ADCY5: variants seen among roughly 807,000 people sequenced by gnomAD.
ADCY5 encodes adenylate cyclase 5, also known as adenylate cyclase type 5.
A neutral mutation model predicts 119.7 loss-of-function variants in ADCY5; 30 were observed. The ratio of observed to expected loss-of-function variants is 0.25; its 90% CI spans 0.19 to 0.34. The LOEUF is 0.34. ADCY5 is among the 10% of genes least tolerant of loss of function. ADCY5 has a pLI of 1.00. For missense variants in ADCY5, 1,324 were observed against 1,775.2 expected (o/e 0.75, Z 4.57); for synonymous variants, 753 against 762.2 (o/e 0.99, Z 0.20).
intron 1 of ADCY5, among the ~76,000 whole-genome samples, chr3:123,365,012 C>T (rs1220970725): frequency 2.6e-5 from 4 of 151,564 alleles, no homozygotes; most frequent in Non-Finnish European, 4.4e-5. Flanking sequence ...CGGCTCACTG[C>T]AAACTCTGCC....
intron 10 of ADCY5, 177 bp from the exon 11 acceptor site, chr3:123,318,294 G>C (rs1941032158): frequency 1.8e-6 from 1 of 565,892 alleles, no homozygotes; most frequent in Non-Finnish European, 3.2e-6. Context: ...AACCAGTCCA[G>C]ATCACCAGAA....
rs1282969203 is a variant in ADCY5 at position 123,424,851 on chromosome 3, G to T, written c.1134+22561C>A. On this transcript the variant is annotated intron_variant, in intron 1 of 20. Coordinates refer to ENST00000462833, the MANE Select transcript of ADCY5 (RefSeq NM_183357.3). ...AATAATAGTTAATAAATAAGTGAAT[G>T]GCAAAAATAGCCTCAAAGGAGCTGA... Among the ~76,000 whole-genome samples, 3 of 152,326 alleles carry T rather than the reference G, an allele frequency of 2.0e-5. No individual in the cohort carries two copies. In the East Asian group the frequency reaches 5.8e-4, roughly 29 times the overall value.
chr3:123,410,349 TTCC>T (rs896981096), intron 1 of ADCY5, among the ~76,000 whole-genome samples: 74 of 141,196 alleles, frequency 5.2e-4, no homozygotes, highest in African/African-American at 2.1e-4. Flanking sequence ...TATCCCCCAA[TTCC>T]TCCTCCTCCT....
At chr3:123,434,728 T>G (rs115617465) in intron 1 of ADCY5, among the ~76,000 whole-genome samples, 2,317 of 152,190 alleles carry the variant, frequency 0.015, 70 homozygotes, top group African/African-American at 0.053. Flanking sequence ...TGTTAAGGTA[T>G]AGTTTCAAAA....
At chr3:123,297,711 G>A (rs984649854) in intron 15 of ADCY5, among the ~76,000 whole-genome samples, 3 of 152,232 alleles carry the variant, frequency 2.0e-5, no homozygotes. Context: ...AGGGCGTGGA[G>A]GAGAGATCCC....
At chr3:123,372,942 C>CA (rs1174683110) in intron 1 of ADCY5, among the ~76,000 whole-genome samples, 1 of 152,170 alleles carries the variant, frequency 6.6e-6, no homozygotes, top group East Asian at 1.9e-4. Flanking sequence ...TGAACCCAGA[C>CA]AAGCTGAACC....
rs755680503 is a variant in ADCY5, at chr3:123,347,824, A to G, written c.1364T>C (p.Met455Thr). The change falls in exon 3 of 21, where the codon ATG (methionine) becomes ACG (threonine). Residue 455 changes from methionine (M) to threonine (T), a missense_variant. Physicochemically the swap from Met to Thr is moderately conservative, Grantham distance 81. Coordinates refer to ENST00000462833, the MANE Select transcript of ADCY5 (RefSeq NM_183357.3). ...KADINAKQEDMMFHKIYIQKH... is the reference protein window; with the variant it reads ...KADINAKQEDTMFHKIYIQKH... ...CTGGATGTAAATCTTATGGAACATC[A>G]TATCCTCCTGCTTGGCGTTGATGTC... 1.2e-6 allele frequency: 2 copies of G among 1,614,022 alleles called. No individual in the cohort carries two copies. The highest frequency in any genetic ancestry group is 1.7e-6 in the Non-Finnish European group (2 of 1,179,974).
At chr3:123,308,028 C>CTTTTTTTTTTT (rs1178147327) in intron 12 of ADCY5, among the ~76,000 whole-genome samples, 3 of 85,658 alleles carry the variant, frequency 3.5e-5, no homozygotes, top group Non-Finnish European at 6.3e-5. Flanking sequence ...TTTTCATGCT[C>CTTTTTTTTTTT]TTTTTTTTTT....
At chr3:123,314,619 T>C (rs1030817707) in intron 11 of ADCY5, among the ~76,000 whole-genome samples, 1 of 152,236 alleles carries the variant, frequency 6.6e-6, no homozygotes, top group Non-Finnish European at 1.5e-5. Flanking sequence ...CACAGGAAGC[T>C]GAATGGAGAA....
chr3:123,295,965 G>T, intron 17 of ADCY5, 119 bp downstream of exon 17: 1 of 1,439,108 alleles, frequency 6.9e-7, no homozygotes, highest in South Asian at 1.3e-5. Flanking sequence ...GCCTGAGCAA[G>T]ACAGCTTGAC....
intron 11 of ADCY5, among the ~76,000 whole-genome samples, chr3:123,317,112 C>T (rs961400344): frequency 6.6e-6 from 1 of 151,956 alleles, no homozygotes; most frequent in African/African-American, 2.4e-5. Context: ...CTCTCCCAAG[C>T]GAGACTCTAA....
chr3:123,395,893 A>G (rs1944528612), intron 1 of ADCY5, among the ~76,000 whole-genome samples: 1 of 150,358 alleles, frequency 6.7e-6, no homozygotes, highest in Non-Finnish European at 1.5e-5. Context: ...CAAAAAAAGA[A>G]AGAGAGAGAG....
At position 123,329,483 on chromosome 3, in the gene ADCY5, C is replaced by T. The variant is rs73858737; in HGVS notation, c.1647-681G>A. 2.1e-3 allele frequency among the ~76,000 whole-genome samples: 322 copies of T among 152,264 alleles called. 2 individuals carry two copies. The highest frequency in any genetic ancestry group is 7.2e-3 in the African/African-American group (299 of 41,536). ...TGCACTTATAACTCCTCATGCTGGGCGAGCAGTGGAGGCAGACTGGGAAGG... is the reference window on the plus strand; with the variant it reads ...TGCACTTATAACTCCTCATGCTGGGTGAGCAGTGGAGGCAGACTGGGAAGG... On this transcript the variant is annotated intron_variant, in intron 5 of 20. Coordinates refer to ENST00000462833, the MANE Select transcript of ADCY5 (RefSeq NM_183357.3).
At chr3:123,421,538 G>C (rs1276638796) in intron 1 of ADCY5, among the ~76,000 whole-genome samples, 1 of 152,172 alleles carries the variant, frequency 6.6e-6, no homozygotes, top group Non-Finnish European at 1.5e-5. Context: ...ATGACCATCA[G>C]ATTGAGCCAT....
chr3:123,396,495 G>T (rs1320027698), intron 1 of ADCY5, among the ~76,000 whole-genome samples: 1 of 126,436 alleles, frequency 7.9e-6, no homozygotes, highest in African/African-American at 3.0e-5. Flanking sequence ...GAGGGAAAGA[G>T]GGAAAATAAG....
chr3:123,385,091 G>T (rs1196590116), intron 1 of ADCY5, among the ~76,000 whole-genome samples: 1 of 152,044 alleles, frequency 6.6e-6, no homozygotes, highest in Admixed American at 6.6e-5. Flanking sequence ...CTTACAGCCG[G>T]CACCCCAGCC....
chr3:123,287,591 C>T (rs1462138104), intron 19 of ADCY5, among the ~76,000 whole-genome samples: 1 of 152,120 alleles, frequency 6.6e-6, no homozygotes, highest in African/African-American at 2.4e-5. Context: ...ACTGAAAACA[C>T]ACAAGCTCCA....
Position 123,448,312 on chromosome 3 carries a change from G to T in ADCY5, c.234C>A (p.Asp78Glu). The T allele has an allele frequency of 6.5e-7, 1 of 1,539,100 alleles. No individual in the cohort carries two copies. Among genetic ancestry groups the T allele is most frequent in the Middle Eastern group, 1.9e-4 (1 of 5,328 alleles). ...CGTCACCGCTCAGCGGAGGATCGTC[G>T]TCGTCGTCGCTGCGCCAGCGGCTGG... ...RLASRWRSDD[D>E]DDPPLSGDDP... The change falls in exon 1 of 21, where the codon GAC becomes GAA. Residue 78 changes from aspartate (D) to glutamate (E), a missense_variant. Asp to Glu is a conservative substitution (Grantham distance 45). Transcript: ENST00000462833.
At chr3:123,427,357 C>T (rs1576690465) in intron 1 of ADCY5, among the ~76,000 whole-genome samples, 1 of 152,312 alleles carries the variant, frequency 6.6e-6, no homozygotes, top group East Asian at 1.9e-4. Flanking sequence ...AATGTATTGG[C>T]GCAGAAGTCT....
Sources: gnomAD v4.1 joint callset for allele counts (sites outside exome capture counted in the v4.1 genomes callset) on GRCh38, gnomAD v4.1.1 for gene constraint, MANE v1.5 for transcripts, NCBI Gene and HGNC (gene_info 2026-07-23, HGNC 2026-07-21) for gene names.